The following MYO5A variants were observed in gnomAD, a reference collection of about 807,000 sequenced individuals.
The protein encoded by MYO5A is myosin VA, also known as unconventional myosin-Va.
MYO5A carries 98 observed loss-of-function variants against 249.7 expected under a neutral mutation model. The ratio of observed to expected loss-of-function variants is 0.39; its 90% CI spans 0.33 to 0.46. The LOEUF is 0.46. MYO5A is among the 20% of genes least tolerant of loss of function. The pLI is 0.98. For missense variants in MYO5A, 1,696 were observed against 2,308.8 expected (o/e 0.73, Z 5.44); for synonymous variants, 778 against 810.6 (o/e 0.96, Z 0.68).
At chr15:52,334,710 A>G (rs2140970542) in intron 34 of MYO5A, among the ~76,000 whole-genome samples, 1 of 152,364 alleles carries the variant, frequency 6.6e-6, no homozygotes, top group Middle Eastern at 3.4e-3. Context: ...GTCAGACACT[A>G]TGCTAGGTGC....
Position 52,351,243 on chromosome 15 carries a change from C to T in MYO5A, c.3849+11G>A. ...CCCGAACACCCAGTTTAATTGTGTG[C>T]TTGCGCTTACCTTGGGTTGGATGGC... On this transcript the variant is annotated intron_variant, in intron 28 of 41. Coordinates refer to ENST00000399233, the MANE Select transcript of MYO5A (RefSeq NM_001382347.1). The T allele has an allele frequency of 1.2e-6, 2 of 1,611,748 alleles. No homozygotes were observed. Among genetic ancestry groups the T allele is most frequent in the Non-Finnish European group, 8.5e-7 (1 of 1,178,292 alleles).
intron 2 of MYO5A, among the ~76,000 whole-genome samples, 195 bp downstream of exon 2, chr15:52,432,972 TATCTGCTA>T (rs1567121261): frequency 6.6e-6 from 1 of 152,254 alleles, no homozygotes. Flanking sequence ...CTTTTTAAAG[TATCTGCTA>T]TTTTCACTAA....
chr15:52,404,243 G>A (rs2042895655), intron 9 of MYO5A, among the ~76,000 whole-genome samples: 1 of 140,078 alleles, frequency 7.1e-6, no homozygotes, highest in Non-Finnish European at 1.5e-5. Flanking sequence ...CTCCAGCCTG[G>A]GCGACAAGAG....
intron 1 of MYO5A, among the ~76,000 whole-genome samples, chr15:52,520,866 A>G (rs1045934129): frequency 2.0e-5 from 3 of 152,206 alleles, no homozygotes; most frequent in Non-Finnish European, 4.4e-5. Context: ...GATTTGTTTC[A>G]AGATCTAAAA....
At chr15:52,412,781 A>G (rs1348639105) in intron 5 of MYO5A, among the ~76,000 whole-genome samples, 1 of 152,202 alleles carries the variant, frequency 6.6e-6, no homozygotes, top group Non-Finnish European at 1.5e-5. Flanking sequence ...TACTGTTTTA[A>G]TGTAATGATG....
chr15:52,477,708 T>A (rs1314290721), intron 1 of MYO5A, among the ~76,000 whole-genome samples: 1 of 152,164 alleles, frequency 6.6e-6, no homozygotes, highest in Non-Finnish European at 1.5e-5. Flanking sequence ...GTATCACCAG[T>A]GGAGGCTGCA....
rs551080884 is a variant in MYO5A, at chr15:52,417,452, C to G, written c.456-1151G>C. On this transcript the variant is annotated intron_variant, in intron 4 of 41. Coordinates refer to ENST00000399233, the MANE Select transcript of MYO5A (RefSeq NM_001382347.1). Reference sequence around the variant, plus strand: ...AGCTCCTATTAAAGTATCCTCATCACTAGAGAAGAAATAGTCCATTTGCTG... The same window carrying G: ...AGCTCCTATTAAAGTATCCTCATCAGTAGAGAAGAAATAGTCCATTTGCTG... Among the ~76,000 whole-genome samples, 4 of 152,334 alleles carry G rather than the reference C, an allele frequency of 2.6e-5. No individual in the cohort carries two copies. The South Asian group carries it at 8.3e-4, about 32-fold the overall frequency.
intron 21 of MYO5A, among the ~76,000 whole-genome samples, chr15:52,371,376 G>A (rs1484628317): frequency 6.6e-6 from 1 of 152,164 alleles, no homozygotes; most frequent in East Asian, 1.9e-4. Flanking sequence ...TTCATCAGAA[G>A]CATCAACATT....
intron 39 of MYO5A, 148 bp downstream of exon 39, chr15:52,318,912 G>A: frequency 2.0e-6 from 2 of 977,772 alleles, no homozygotes; most frequent in Non-Finnish European, 3.1e-6. Context: ...AGGGAAAGTG[G>A]CTCCGTGCCA....
chr15:52,451,366 G>T (rs1471667412), intron 1 of MYO5A, among the ~76,000 whole-genome samples: 1 of 152,120 alleles, frequency 6.6e-6, no homozygotes, highest in Non-Finnish European at 1.5e-5. Context: ...TCTAATGCCA[G>T]AAATAGTTCT....
intron 8 of MYO5A, among the ~76,000 whole-genome samples, chr15:52,406,775 A>C (rs2043022021): frequency 6.6e-6 from 1 of 152,180 alleles, no homozygotes; most frequent in South Asian, 2.1e-4. Context: ...AACAGAAAAA[A>C]AATGCTGGAA....
chr15:52,356,723 T>TAAAAAAA (rs533798990), intron 25 of MYO5A, among the ~76,000 whole-genome samples: 1 of 134,126 alleles, frequency 7.5e-6, no homozygotes, highest in African/African-American at 2.8e-5. Flanking sequence ...CCGTTATAAT[T>TAAAAAAA]AAAAAAAAAA....
At chr15:52,379,160 T>C (rs2041600533) in intron 18 of MYO5A, among the ~76,000 whole-genome samples, 2 of 152,210 alleles carry the variant, frequency 1.3e-5, no homozygotes, top group Admixed American at 6.5e-5. Flanking sequence ...ATGAAATCTC[T>C]CCTTCCCATA....
At chr15:52,427,389 T>G (rs2075419732) in intron 3 of MYO5A, among the ~76,000 whole-genome samples, 1 of 151,540 alleles carries the variant, frequency 6.6e-6, no homozygotes, top group Admixed American at 6.6e-5. Flanking sequence ...ATACATAATC[T>G]CAGATTAAAT....
rs752070255 is a variant in MYO5A at position 52,379,585 on chromosome 15, G to T, written c.2208+40C>A. The stretch of plus-strand genomic sequence containing the variant: ...GGGCTTTCCAAGGTCAGAACCACAA[G>T]GCCTTCTGCTCAGATGACGGTAAGC... On this transcript the variant is annotated intron_variant, in intron 18 of 41. Transcript: ENST00000399233. The T allele has an allele frequency of 1.2e-5, 18 of 1,560,828 alleles. 1 individual carries two copies. The South Asian group carries it at 2.0e-4, about 17-fold the overall frequency.
intron 20 of MYO5A, 102 bp from the exon 21 acceptor site, chr15:52,372,465 G>A (rs1158925743): frequency 6.1e-6 from 9 of 1,472,794 alleles, no homozygotes; most frequent in East Asian, 2.4e-5. Context: ...TAGAGGAAAA[G>A]ACATAAAAGT....
intron 1 of MYO5A, among the ~76,000 whole-genome samples, chr15:52,470,225 T>C (rs1349140011): frequency 6.6e-6 from 1 of 152,226 alleles, no homozygotes; most frequent in African/African-American, 2.4e-5. Flanking sequence ...AAGGTTCTTA[T>C]GACCCCCTGA....
chr15:52,340,382 G>A lies in MYO5A; in HGVS notation c.4053C>T (p.Ser1351=). The A allele has an allele frequency of 6.2e-7, 1 of 1,612,640 alleles. No individual in the cohort carries two copies. Among genetic ancestry groups the A allele is most frequent in the Non-Finnish European group, 8.5e-7 (1 of 1,179,990 alleles). ...GGCTCCTCTTCTGTGACTGCAGCTG[G>A]GATTCCAGGAGCCTGCGGAGAGGAC... ...GLKQANRLLE[S]QLQSQKRSHE... is the part of the protein sequence containing the mutation. The change falls in exon 32 of 42, where the codon TCC becomes TCT. Residue 1351 remains serine (S), a synonymous_variant. Transcript: ENST00000399233.
chr15:52,496,844 C>A (rs2077047226), intron 1 of MYO5A, among the ~76,000 whole-genome samples: 1 of 152,212 alleles, frequency 6.6e-6, no homozygotes, highest in Non-Finnish European at 1.5e-5. Context: ...AACTGGAATG[C>A]CCTTCCTTCA....
Sources: allele counts gnomAD v4.1 joint callset (sites outside exome capture counted in the v4.1 genomes callset), GRCh38; gene constraint gnomAD v4.1.1; transcripts MANE v1.5; gene names NCBI Gene and HGNC (gene_info 2026-07-23, HGNC 2026-07-21).